CNTNAP2: variants seen among roughly 807,000 people sequenced by gnomAD.
CNTNAP2 encodes contactin-associated protein-like 2.
CNTNAP2 carries 98 observed loss-of-function variants against 155.2 expected under a neutral mutation model. The ratio of observed to expected loss-of-function variants is 0.63; its 90% CI spans 0.54 to 0.75. CNTNAP2 has a LOEUF of 0.75. Ranked by LOEUF, CNTNAP2 falls within the 30% of genes least tolerant of loss-of-function variation. The pLI is 0.00. For synonymous variants in CNTNAP2, 651 were observed against 631.2 expected, an observed-to-expected ratio of 1.03 and a Z score of -0.47; for missense variants, 1,727 against 1,688.1, an observed-to-expected ratio of 1.02 and a Z score of -0.40.
At chr7:147,633,631 G>A (rs2116914302) in intron 12 of CNTNAP2, among the ~76,000 whole-genome samples, 1 of 152,276 alleles carries the variant, frequency 6.6e-6, no homozygotes, top group Non-Finnish European at 1.5e-5. Flanking sequence ...AGGACCAGAT[G>A]GAGTTAATTG....
At chr7:147,043,275 A>T (rs1438765713) in intron 3 of CNTNAP2, among the ~76,000 whole-genome samples, 1 of 152,050 alleles carries the variant, frequency 6.6e-6, no homozygotes, top group African/African-American at 2.4e-5. Flanking sequence ...AATAAAAAAT[A>T]AAATTAAAAA....
At chr7:147,505,384 C>T (rs956247383) in intron 11 of CNTNAP2, among the ~76,000 whole-genome samples, 1 of 149,210 alleles carries the variant, frequency 6.7e-6, no homozygotes, top group African/African-American at 2.6e-5. Flanking sequence ...CACACATATA[C>T]AATGTGTGAC....
intron 12 of CNTNAP2, among the ~76,000 whole-genome samples, chr7:147,572,773 A>C (rs142052621): frequency 6.6e-6 from 1 of 152,030 alleles, no homozygotes; most frequent in Admixed American, 6.6e-5. Flanking sequence ...ATTTCTTTGC[A>C]ATCAAAAATC....
chr7:146,723,329 A>G (rs1318672431), intron 1 of CNTNAP2, among the ~76,000 whole-genome samples: 1 of 152,160 alleles, frequency 6.6e-6, no homozygotes, highest in African/African-American at 2.4e-5. Flanking sequence ...TCCAGCCAAC[A>G]TCTTGAGTTA....
chr7:146,682,787 C>T (rs1390152867), intron 1 of CNTNAP2, among the ~76,000 whole-genome samples: 6 of 152,120 alleles, frequency 3.9e-5, no homozygotes, highest in Non-Finnish European at 8.8e-5. Context: ...TATGCATAAT[C>T]GGTTAATAGA....
intron 21 of CNTNAP2, among the ~76,000 whole-genome samples, chr7:148,296,005 A>G (rs911387545): frequency 6.6e-6 from 1 of 152,212 alleles, no homozygotes; most frequent in Admixed American, 6.5e-5. Context: ...CAGCTGGTAT[A>G]AACAATTATT....
chr7:148,209,298 CT>C (rs11371612), intron 18 of CNTNAP2, among the ~76,000 whole-genome samples: 68,814 of 130,152 alleles, frequency 0.53, 18,166 homozygotes, highest in Admixed American at 0.55. Context: ...TCTTTTCTTC[CT>C]TTTTTTTTTT....
At chr7:147,772,347 T>C (rs1254651254) in intron 13 of CNTNAP2, among the ~76,000 whole-genome samples, 1 of 147,188 alleles carries the variant, frequency 6.8e-6, no homozygotes, top group Admixed American at 6.9e-5. Context: ...AACCCGGGAG[T>C]TGGAGGTTGC....
intron 21 of CNTNAP2, among the ~76,000 whole-genome samples, chr7:148,339,300 A>G (rs1798179748): frequency 6.6e-6 from 1 of 150,730 alleles, no homozygotes. Context: ...TGTATTGCCC[A>G]CGGGTGGGAG....
intron 3 of CNTNAP2, among the ~76,000 whole-genome samples, chr7:146,919,260 G>A (rs980201473): frequency 6.6e-6 from 1 of 152,130 alleles, no homozygotes; most frequent in Non-Finnish European, 1.5e-5. Context: ...AAAGAAACTT[G>A]TTTTTGCCAT....
rs150584413 is a variant in CNTNAP2, at chr7:147,639,496, GA to G, written c.2098+196del. 0.031 allele frequency among the ~76,000 whole-genome samples: 4,656 copies of G among 152,012 alleles called. 234 individuals are homozygous for G. Among genetic ancestry groups the G allele is most frequent in the African/African-American group, 0.11 (4,370 of 41,470 alleles). ...GAAGCTAAGAAAGAATGATTTTGAGGAAAAAATAGTCCATTGTTTTAAACTT... is the reference window on the plus strand; with the variant it reads ...GAAGCTAAGAAAGAATGATTTTGAGGAAAAATAGTCCATTGTTTTAAACTT... On this transcript the variant is annotated intron_variant, in intron 13 of 23. Transcript: ENST00000361727.
intron 1 of CNTNAP2, among the ~76,000 whole-genome samples, chr7:146,754,198 A>G (rs779574023): frequency 6.6e-5 from 10 of 152,042 alleles, no homozygotes; most frequent in Non-Finnish European, 1.2e-4. Context: ...CTCAGAAGGT[A>G]TACTCAAATG....
chr7:146,662,946 A>G (rs1800118139), intron 1 of CNTNAP2, among the ~76,000 whole-genome samples: 1 of 152,112 alleles, frequency 6.6e-6, no homozygotes, highest in African/African-American at 2.4e-5. Flanking sequence ...TCCTTTTGCA[A>G]ACACCAAATT....
intron 13 of CNTNAP2, among the ~76,000 whole-genome samples, chr7:147,851,834 C>A (rs1056431104): frequency 1.3e-5 from 2 of 151,918 alleles, no homozygotes; most frequent in African/African-American, 4.8e-5. Flanking sequence ...GGGTGCAGCA[C>A]ACCAACATGG....
At chr7:147,419,163 G>A (rs985871216) in intron 10 of CNTNAP2, among the ~76,000 whole-genome samples, 4 of 152,162 alleles carry the variant, frequency 2.6e-5, no homozygotes, top group Non-Finnish European at 4.4e-5. Flanking sequence ...TGAAGTGTAC[G>A]GTTTCAGAGT....
chr7:146,700,812 G>A lies in CNTNAP2; in HGVS notation c.98-73459G>A, dbSNP rs74549682. Among the ~76,000 whole-genome samples the A allele has an allele frequency of 1.3e-3, 192 of 152,118 alleles. 2 individuals carry two copies. In the East Asian group the frequency reaches 0.031, roughly 25 times the overall value. On this transcript the variant is annotated intron_variant, in intron 1 of 23. Coordinates refer to ENST00000361727, the MANE Select transcript of CNTNAP2 (RefSeq NM_014141.6). The stretch of plus-strand genomic sequence containing the variant: ...TGTGCATCCACAAATCCAAGTCCAC[G>A]GTCCAGGGGGAGTTTCCTGTAACAC...
chr7:147,074,677 T>C (rs953415762), intron 4 of CNTNAP2, among the ~76,000 whole-genome samples: 6 of 152,166 alleles, frequency 3.9e-5, no homozygotes, highest in African/African-American at 1.2e-4. Flanking sequence ...GGCCAAAATA[T>C]ACATCATATT....
At chr7:146,672,264 C>T (rs568489884) in intron 1 of CNTNAP2, among the ~76,000 whole-genome samples, 5 of 152,360 alleles carry the variant, frequency 3.3e-5, no homozygotes, top group African/African-American at 1.2e-4. Flanking sequence ...GCCCTCACTG[C>T]TTCCCTTTTT....
chr7:147,522,310 T>C (rs1367204259), intron 11 of CNTNAP2, among the ~76,000 whole-genome samples: 1 of 152,224 alleles, frequency 6.6e-6, no homozygotes, highest in African/African-American at 2.4e-5. Context: ...CTGATTTTAA[T>C]TGGTGCTTAA....
Sources: gnomAD v4.1 joint callset for allele counts (sites outside exome capture counted in the v4.1 genomes callset) on GRCh38, gnomAD v4.1.1 for gene constraint, MANE v1.5 for transcripts, NCBI Gene and HGNC (gene_info 2026-07-23, HGNC 2026-07-21) for gene names.